The following CNTNAP5 variants were observed in gnomAD, a reference collection of about 807,000 sequenced individuals.
CNTNAP5 encodes the protein contactin associated protein family member 5.
In CNTNAP5, 72 loss-of-function variants were observed where a neutral mutation model predicts 150.2. The ratio of observed to expected loss-of-function variants is 0.48; its 90% CI spans 0.40 to 0.58. The LOEUF (loss-of-function observed/expected upper bound fraction) is 0.58. Among genes scored for constraint, CNTNAP5 ranks in the 20% least tolerant of loss-of-function variants. The pLI is 0.00. For missense variants in CNTNAP5, 1,636 were observed against 1,626.2 expected, an observed-to-expected ratio of 1.01 and a Z score of -0.10; for synonymous variants, 672 against 619.8, an observed-to-expected ratio of 1.08 and a Z score of -1.25.
At chr2:124,147,659 G>C (rs1027650044) in intron 1 of CNTNAP5, among the ~76,000 whole-genome samples, 68 of 152,182 alleles carry the variant, frequency 4.5e-4, no homozygotes, top group African/African-American at 1.6e-3. Context: ...CTCTGGAGTG[G>C]GTTTGAAACA....
chr2:124,681,396 T>C (rs1679066306), intron 13 of CNTNAP5, among the ~76,000 whole-genome samples: 1 of 151,962 alleles, frequency 6.6e-6, no homozygotes, highest in Non-Finnish European at 1.5e-5. Context: ...TTTTATCAGA[T>C]TTCTCCACAG....
At chr2:124,511,271 G>A (rs1008198702) in intron 8 of CNTNAP5, among the ~76,000 whole-genome samples, 18 of 152,122 alleles carry the variant, frequency 1.2e-4, no homozygotes, top group South Asian at 4.1e-4. Flanking sequence ...AGAGATAACC[G>A]GCACCACTCT....
chr2:124,199,655 T>C (rs1438667613), intron 1 of CNTNAP5, among the ~76,000 whole-genome samples: 2 of 152,136 alleles, frequency 1.3e-5, no homozygotes, highest in East Asian at 3.9e-4. Context: ...CCTCAGGTGA[T>C]GCACCTGCCT....
At chr2:124,831,016 A>G (rs921190176) in intron 19 of CNTNAP5, among the ~76,000 whole-genome samples, 1 of 152,078 alleles carries the variant, frequency 6.6e-6, no homozygotes, top group African/African-American at 2.4e-5. Flanking sequence ...AGAGCAAATC[A>G]GTATTTTTAG....
chr2:124,620,774 CAT>C (rs1320787136), intron 12 of CNTNAP5, among the ~76,000 whole-genome samples: 2 of 140,130 alleles, frequency 1.4e-5, no homozygotes, highest in African/African-American at 5.3e-5. Context: ...CACACACACA[CAT>C]ATATATGCAA....
intron 3 of CNTNAP5, among the ~76,000 whole-genome samples, chr2:124,250,680 A>T (rs1687149273): frequency 2.0e-5 from 3 of 152,028 alleles, no homozygotes; most frequent in Admixed American, 2.0e-4. Flanking sequence ...GGAGTTACTG[A>T]TGCCCAAAGA....
At chr2:124,756,236 A>G (rs761731705) in intron 14 of CNTNAP5, among the ~76,000 whole-genome samples, 16 of 152,230 alleles carry the variant, frequency 1.1e-4, no homozygotes, top group Non-Finnish European at 2.4e-4. Flanking sequence ...TATACCAGTC[A>G]GAATGGCTAT....
At chr2:124,188,668 G>A (rs550483240) in intron 1 of CNTNAP5, among the ~76,000 whole-genome samples, 11 of 132,646 alleles carry the variant, frequency 8.3e-5, no homozygotes, top group South Asian at 2.5e-4. Flanking sequence ...GCAGTGAGCC[G>A]AGATCACGCC....
At position 124,308,809 on chromosome 2, in the gene CNTNAP5, G is replaced by A. The variant is rs1456530387; in HGVS notation, c.381+66416G>A. ...AATTATCTGGTAGATTTGTAAAATT[G>A]AAAACAGAAGCTTTGGGAAGTAGTA... On this transcript the variant is annotated intron_variant, in intron 3 of 23. Coordinates refer to ENST00000682447, the MANE Select transcript of CNTNAP5 (RefSeq NM_001367498.1). 2.6e-5 allele frequency among the ~76,000 whole-genome samples: 4 copies of A among 152,316 alleles called. No individual in the cohort carries two copies. In the East Asian group the frequency reaches 7.7e-4, roughly 29 times the overall value.
intron 1 of CNTNAP5, among the ~76,000 whole-genome samples, chr2:124,191,638 G>A (rs975985706): frequency 3.9e-5 from 6 of 152,258 alleles, no homozygotes; most frequent in African/African-American, 1.4e-4. Flanking sequence ...TGGCCTGGCT[G>A]GGCCCAGTGG....
At chr2:124,350,874 TC>T (rs1689861575) in intron 3 of CNTNAP5, among the ~76,000 whole-genome samples, 2 of 152,260 alleles carry the variant, frequency 1.3e-5, no homozygotes, top group South Asian at 2.1e-4. Flanking sequence ...GCCTTTTTTT[TC>T]GGCATGTTGC....
intron 13 of CNTNAP5, among the ~76,000 whole-genome samples, chr2:124,717,102 C>CT (rs1254950837): frequency 6.6e-6 from 1 of 152,176 alleles, no homozygotes; most frequent in Non-Finnish European, 1.5e-5. Context: ...GGAGCACCAT[C>CT]TTTTTTAACT....
intron 1 of CNTNAP5, among the ~76,000 whole-genome samples, chr2:124,117,067 A>G (rs1421252950): frequency 6.6e-6 from 1 of 152,222 alleles, no homozygotes; most frequent in Non-Finnish European, 1.5e-5. Flanking sequence ...CTCCTAACAG[A>G]GTAGCACACA....
chr2:124,529,128 A>AGTT (rs1227111792), intron 10 of CNTNAP5, among the ~76,000 whole-genome samples: 1 of 149,340 alleles, frequency 6.7e-6, no homozygotes, highest in East Asian at 2.0e-4. Flanking sequence ...AAAATGTGCT[A>AGTT]GTTTAGAGCT....
Position 124,621,626 on chromosome 2 carries a change from A to G in CNTNAP5, c.1876+11706A>G, listed in dbSNP as rs562274129. On this transcript the variant is annotated intron_variant, in intron 12 of 23. Coordinates refer to ENST00000682447, the MANE Select transcript of CNTNAP5 (RefSeq NM_001367498.1). ...TAATAGATTATCATCCCAGGTATTG[A>G]CATAAAGAAAGAAATGTATCCATGT... Among the ~76,000 whole-genome samples, 3 of 152,304 alleles carry G rather than the reference A, an allele frequency of 2.0e-5. 1 individual carries two copies. In the East Asian group the frequency reaches 5.8e-4, roughly 29 times the overall value.
intron 13 of CNTNAP5, among the ~76,000 whole-genome samples, chr2:124,698,455 T>A (rs1201412571): frequency 1.3e-5 from 2 of 152,024 alleles, no homozygotes; most frequent in African/African-American, 4.8e-5. Context: ...ATAAATTGAT[T>A]GGTAGCAGGT....
chr2:124,867,010 C>G (rs1174493403), intron 20 of CNTNAP5, among the ~76,000 whole-genome samples: 1 of 152,100 alleles, frequency 6.6e-6, no homozygotes, highest in Non-Finnish European at 1.5e-5. Flanking sequence ...TTTGCACTCT[C>G]TCTCCCTCCT....
At chr2:124,762,274 G>T (rs1680973908) in intron 14 of CNTNAP5, among the ~76,000 whole-genome samples, 1 of 152,032 alleles carries the variant, frequency 6.6e-6, no homozygotes, top group Admixed American at 6.6e-5. Context: ...TTGATCTGTA[G>T]GAATATATGT....
chr2:124,363,378 A>T (rs1690271940), intron 3 of CNTNAP5, among the ~76,000 whole-genome samples: 1 of 152,140 alleles, frequency 6.6e-6, no homozygotes, highest in South Asian at 2.1e-4. Context: ...ACACCTGCAG[A>T]CCAGCCCTCC....
Sources: gnomAD v4.1 joint callset for allele counts (sites outside exome capture counted in the v4.1 genomes callset) on GRCh38, gnomAD v4.1.1 for gene constraint, MANE v1.5 for transcripts, NCBI Gene and HGNC (gene_info 2026-07-23, HGNC 2026-07-21) for gene names.